The following SCUBE1 variants were observed in gnomAD, a reference collection of about 807,000 sequenced individuals.
The protein encoded by SCUBE1 is signal peptide, CUB domain and EGF like domain containing 1, also known as signal peptide, CUB and EGF-like domain-containing protein 1.
A neutral mutation model predicts 124.4 loss-of-function variants in SCUBE1; 59 were observed. The ratio of observed to expected loss-of-function variants is 0.47; its 90% CI spans 0.38 to 0.59. The LOEUF is 0.59. SCUBE1 is among the 20% of genes least tolerant of loss of function. The pLI, the probability that SCUBE1 is intolerant of heterozygous loss-of-function variation, is 0.00. For missense variants in SCUBE1, 1,150 were observed against 1,371.2 expected, an observed-to-expected ratio of 0.84 and a Z score of 2.55; for synonymous variants, 545 against 550.9, an observed-to-expected ratio of 0.99 and a Z score of 0.15.
intron 2 of SCUBE1, among the ~76,000 whole-genome samples, chr22:43,325,711 A>AT (rs1027289514): frequency 1.5e-4 from 23 of 151,194 alleles, no homozygotes; most frequent in Middle Eastern, 3.4e-3. Flanking sequence ...CCCTGCTTGG[A>AT]TTTTTTTTTG....
chr22:43,262,927 C>T (rs977181803), intron 4 of SCUBE1, 82 bp from the exon 5 acceptor site: 4 of 1,467,506 alleles, frequency 2.7e-6, no homozygotes, highest in Middle Eastern at 1.7e-4. Context: ...AGGGGATAGC[C>T]AATGATATGT....
intron 21 of SCUBE1, among the ~76,000 whole-genome samples, chr22:43,206,279 A>G (rs1010385927): frequency 2.1e-4 from 31 of 147,826 alleles, no homozygotes; most frequent in African/African-American, 7.0e-4. Flanking sequence ...CACACTATAC[A>G]CACCCACTCA....
chr22:43,306,428 CT>C (rs756122789), intron 3 of SCUBE1, among the ~76,000 whole-genome samples: 3 of 152,182 alleles, frequency 2.0e-5, no homozygotes, highest in Non-Finnish European at 2.9e-5. Flanking sequence ...GTATTCTCTG[CT>C]CTGAGACAGA....
chr22:43,206,791 TG>T (rs756515630), intron 21 of SCUBE1, among the ~76,000 whole-genome samples: 2 of 151,142 alleles, frequency 1.3e-5, no homozygotes, highest in East Asian at 3.9e-4. Flanking sequence ...AGGGCGGAGC[TG>T]GGGGGACAGA....
intron 19 of SCUBE1, 84 bp from the exon 20 acceptor site, chr22:43,208,308 A>T (rs1921385958): frequency 1.5e-6 from 2 of 1,311,780 alleles, no homozygotes; most frequent in Non-Finnish European, 2.2e-6. Flanking sequence ...CCAGTCCACC[A>T]CCCAGCACCT....
chr22:43,266,455 C>G (rs929093186), intron 4 of SCUBE1, among the ~76,000 whole-genome samples: 1 of 152,208 alleles, frequency 6.6e-6, no homozygotes, highest in Non-Finnish European at 1.5e-5. Flanking sequence ...ACGGGCAACA[C>G]TGGCTTTTGG....
chr22:43,266,822 T>C (rs1924086784), intron 4 of SCUBE1, among the ~76,000 whole-genome samples: 1 of 152,112 alleles, frequency 6.6e-6, no homozygotes, highest in Non-Finnish European at 1.5e-5. Flanking sequence ...CCAAGGCCAG[T>C]TCAGATGCTA....
chr22:43,283,735 G>C (rs1035059554), intron 4 of SCUBE1: 1 of 152,298 alleles, frequency 6.6e-6, no homozygotes, highest in Middle Eastern at 3.4e-3. Context: ...TCACCATTGG[G>C]GGAAATTGGG....
At position 43,198,871 on chromosome 22, in the gene SCUBE1, GTCTGGGGCAGTTTGCTGTCTGCTT is replaced by G. The variant is rs1569491664; in HGVS notation, c.*5102_*5125del. 7 of 388,212 alleles carry G rather than the reference GTCTGGGGCAGTTTGCTGTCTGCTT, an allele frequency of 1.8e-5. No homozygotes were observed. Among genetic ancestry groups the G allele is most frequent in the African/African-American group, 1.5e-4 (7 of 48,118 alleles). 24.0% of individuals were successfully genotyped at this position (388,212 alleles called of 1,614,324 possible). A position where few individuals can be genotyped will look rare whatever the true frequency, so the allele number is the denominator to read the frequency against. Reference sequence around the variant, plus strand: ...GGGGAAGTGTGTCTGTCTGTCTGCTGTCTGGGGCAGTTTGCTGTCTGCTTTCCGGGGCAGTTTGTCTGTCTGCTG... The same window carrying G: ...GGGGAAGTGTGTCTGTCTGTCTGCTGTCCGGGGCAGTTTGTCTGTCTGCTG... On this transcript the variant is annotated 3_prime_UTR_variant, in exon 22 of 22. Coordinates refer to ENST00000360835, the MANE Select transcript of SCUBE1 (RefSeq NM_173050.5).
At chr22:43,259,621 T>C (rs1923798028) in intron 5 of SCUBE1, among the ~76,000 whole-genome samples, 1 of 152,158 alleles carries the variant, frequency 6.6e-6, no homozygotes, top group Admixed American at 6.5e-5. Context: ...TCCTGAGTGA[T>C]GGGGCACCTC....
intron 4 of SCUBE1, among the ~76,000 whole-genome samples, chr22:43,269,276 C>T (rs903737266): frequency 1.3e-5 from 2 of 152,178 alleles, no homozygotes; most frequent in African/African-American, 4.8e-5. Context: ...GCCTATCTTC[C>T]CCCAAGGCCT....
intron 16 of SCUBE1, 114 bp downstream of exon 16, chr22:43,213,976 C>G (rs1468332104): frequency 2.7e-6 from 3 of 1,092,752 alleles, no homozygotes; most frequent in Non-Finnish European, 3.8e-6. Flanking sequence ...TAGAAAATAC[C>G]ACACTCTCTG....
chr22:43,273,561 CTTTTT>C (rs1056252584), intron 4 of SCUBE1, among the ~76,000 whole-genome samples: 26 of 60,972 alleles, frequency 4.3e-4, no homozygotes, highest in South Asian at 2.0e-3. Context: ...CTAAAACCCT[CTTTTT>C]TTTTTTTTTT....
chr22:43,217,917 T>G (rs1921906884), intron 15 of SCUBE1, among the ~76,000 whole-genome samples: 1 of 152,140 alleles, frequency 6.6e-6, no homozygotes, highest in Non-Finnish European at 1.5e-5. Flanking sequence ...TAACGTGACT[T>G]CTCCTCCAGG....
intron 6 of SCUBE1, among the ~76,000 whole-genome samples, chr22:43,242,725 T>G (rs1601823178): frequency 6.6e-6 from 1 of 152,194 alleles, no homozygotes; most frequent in Non-Finnish European, 1.5e-5. Flanking sequence ...TTGTGGACCC[T>G]GGGGGCCCTC....
At chr22:43,218,512 G>T in intron 14 of SCUBE1, 54 bp from the exon 15 acceptor site, 1 of 1,577,662 alleles carries the variant, frequency 6.3e-7, no homozygotes, top group Non-Finnish European at 8.6e-7. Flanking sequence ...GCTAGCCGCT[G>T]CCTTCTTAGC....
rs1922677433 is a variant in SCUBE1 at position 43,234,457 on chromosome 22, G to T, written c.845-2582C>A. On this transcript the variant is annotated intron_variant, in intron 7 of 21. Coordinates refer to ENST00000360835, the MANE Select transcript of SCUBE1 (RefSeq NM_173050.5). This position sits in a 1 kb window ranked among gnomAD's most constrained non-coding sequence, Gnocchi z 4.4. ...AGCCTCAGGCCTTCCAGAGCCCCCA[G>T]CCCCATCCCCTGCCCCATCTGGGCC... is the stretch of plus-strand genomic sequence containing the variant. Among the ~76,000 whole-genome samples, 1 of 152,164 alleles carries T rather than the reference G, an allele frequency of 6.6e-6. No individual in the cohort carries two copies. The highest frequency in any genetic ancestry group is 1.5e-5 in the Non-Finnish European group (1 of 68,012).
intron 19 of SCUBE1, 59 bp downstream of exon 19, chr22:43,209,984 C>T (rs933814518): frequency 2.9e-5 from 44 of 1,494,782 alleles, no homozygotes; most frequent in African/African-American, 1.3e-4. Flanking sequence ...AGAACCGCAG[C>T]GAGACGGGGG....
At chr22:43,223,650 C>T (rs1159936743) in intron 10 of SCUBE1, among the ~76,000 whole-genome samples, 3 of 152,210 alleles carry the variant, frequency 2.0e-5, no homozygotes, top group African/African-American at 7.2e-5. Context: ...GGAGAAACAG[C>T]CCTCCAGAAT....
Sources: gnomAD v4.1 joint callset for allele counts (sites outside exome capture counted in the v4.1 genomes callset) on GRCh38, gnomAD v4.1.1 for gene constraint, Gnocchi (gnomAD v3.1) non-coding constraint, MANE v1.5 for transcripts, NCBI Gene and HGNC (gene_info 2026-07-23, HGNC 2026-07-21) for gene names.